NPAS3: variants seen among roughly 807,000 people sequenced by gnomAD.
NPAS3 encodes the protein neuronal PAS domain protein 3.
Under a neutral mutation model 73.1 loss-of-function variants are expected in NPAS3, and 14 were observed. The ratio of observed to expected loss-of-function variants is 0.19; its 90% CI spans 0.13 to 0.30. The LOEUF (loss-of-function observed/expected upper bound fraction) is 0.30, where lower values mean the gene tolerates loss of function less well. NPAS3 is among the 10% of genes least tolerant of loss of function. The pLI is 1.00. For synonymous variants in NPAS3, 620 were observed against 541.5 expected, an observed-to-expected ratio of 1.14 and a Z score of -2.01; for missense variants, 1,096 against 1,250.0, an observed-to-expected ratio of 0.88 and a Z score of 1.86.
intron 2 of NPAS3, among the ~76,000 whole-genome samples, chr14:33,151,894 T>A (rs1449429098): frequency 1.3e-5 from 2 of 152,180 alleles, no homozygotes; most frequent in African/African-American, 4.8e-5. Context: ...ACTCCTTTGG[T>A]ACCCTTCCAG....
chr14:33,097,197 G>C (rs1333039052), intron 2 of NPAS3, among the ~76,000 whole-genome samples: 1 of 151,824 alleles, frequency 6.6e-6, no homozygotes, highest in Non-Finnish European at 1.5e-5. Context: ...GTGCAACGTG[G>C]TAAGACATCA....
intron 3 of NPAS3, among the ~76,000 whole-genome samples, chr14:33,339,142 GT>G (rs1346943775): frequency 6.6e-6 from 1 of 152,112 alleles, no homozygotes; most frequent in Non-Finnish European, 1.5e-5. Context: ...ATGCCATAAA[GT>G]TTTCTGTTAG....
intron 4 of NPAS3, among the ~76,000 whole-genome samples, chr14:33,548,137 C>T (rs775314604): frequency 1.3e-5 from 2 of 152,166 alleles, no homozygotes; most frequent in Non-Finnish European, 2.9e-5. Context: ...CCTTTGACAT[C>T]GAACATTGAG....
At chr14:33,061,728 CACTA>C (rs755685961) in intron 2 of NPAS3, among the ~76,000 whole-genome samples, 134 of 152,300 alleles carry the variant, frequency 8.8e-4, no homozygotes, top group Middle Eastern at 3.4e-3. Context: ...AACTGTTCTA[CACTA>C]ACTGACTTAT....
intron 1 of NPAS3, among the ~76,000 whole-genome samples, chr14:32,990,357 G>A (rs1320315134): frequency 1.3e-5 from 2 of 152,270 alleles, no homozygotes; most frequent in East Asian, 1.9e-4. Flanking sequence ...ACAACAGGAA[G>A]CATTCTAATT....
intron 9 of NPAS3, among the ~76,000 whole-genome samples, chr14:33,785,231 C>T (rs1229513157): frequency 1.3e-5 from 2 of 151,328 alleles, no homozygotes; most frequent in Non-Finnish European, 3.0e-5. Context: ...GTCAGGAGTT[C>T]GAGACCAGCC....
At chr14:33,508,415 C>G (rs906787440) in intron 4 of NPAS3, among the ~76,000 whole-genome samples, 1 of 151,964 alleles carries the variant, frequency 6.6e-6, no homozygotes, top group African/African-American at 2.4e-5. Flanking sequence ...ATACTAAGTA[C>G]GAAGATGTAA....
chr14:33,356,965 AG>A (rs1200117191), intron 3 of NPAS3, among the ~76,000 whole-genome samples: 2 of 152,244 alleles, frequency 1.3e-5, no homozygotes, highest in African/African-American at 2.4e-5. Context: ...TAGGTCAGAC[AG>A]TCTTGTAAGC....
intron 2 of NPAS3, among the ~76,000 whole-genome samples, chr14:33,070,644 A>G (rs557332136): frequency 1.3e-5 from 2 of 152,342 alleles, no homozygotes; most frequent in African/African-American, 4.8e-5. Context: ...ACTCATGATC[A>G]TAGCACATGG....
chr14:33,125,678 A>T (rs577321029), intron 2 of NPAS3, among the ~76,000 whole-genome samples: 77 of 152,260 alleles, frequency 5.1e-4, no homozygotes, highest in African/African-American at 1.7e-3. Context: ...CCTGTTTCAT[A>T]TATGAAAGGC....
At chr14:33,171,617 G>A (rs2045392817) in intron 2 of NPAS3, among the ~76,000 whole-genome samples, 1 of 152,198 alleles carries the variant, frequency 6.6e-6, no homozygotes, top group South Asian at 2.1e-4. Context: ...TGGCTTACGG[G>A]AATGTTGTGG....
At chr14:33,171,390 T>G in intron 2 of NPAS3, among the ~76,000 whole-genome samples, 1 of 152,228 alleles carries the variant, frequency 6.6e-6, no homozygotes, top group Non-Finnish European at 1.5e-5. Flanking sequence ...CCACTTAAAG[T>G]TACCAGCTGC....
At chr14:33,125,397 C>A (rs2043390695) in intron 2 of NPAS3, among the ~76,000 whole-genome samples, 1 of 151,898 alleles carries the variant, frequency 6.6e-6, no homozygotes, top group Non-Finnish European at 1.5e-5. Flanking sequence ...GAGATATTTT[C>A]TCAGAATTAC....
chr14:33,106,624 G>T (rs1334238162), intron 2 of NPAS3, among the ~76,000 whole-genome samples: 1 of 152,146 alleles, frequency 6.6e-6, no homozygotes, highest in South Asian at 2.1e-4. Context: ...TAAATGAGGA[G>T]AAAAGCTGTT....
intron 7 of NPAS3, among the ~76,000 whole-genome samples, chr14:33,739,977 C>G (rs371548318): frequency 2.6e-5 from 4 of 152,082 alleles, no homozygotes; most frequent in African/African-American, 9.7e-5. Flanking sequence ...TTTCATTTCC[C>G]CTAATGCATA....
intron 5 of NPAS3, among the ~76,000 whole-genome samples, chr14:33,567,147 T>C (rs909026623): frequency 2.0e-5 from 3 of 152,174 alleles, no homozygotes; most frequent in African/African-American, 7.2e-5. Context: ...GATTAGCCAC[T>C]TCTTGAAAGC....
chr14:33,523,623 T>TA (rs1197043618), intron 4 of NPAS3, among the ~76,000 whole-genome samples: 11 of 150,422 alleles, frequency 7.3e-5, no homozygotes, highest in Non-Finnish European at 1.6e-4. Context: ...AGATAAAAAT[T>TA]AAAAAAAATA....
chr14:33,565,740 A>T (rs2055894248), intron 5 of NPAS3, among the ~76,000 whole-genome samples: 1 of 152,214 alleles, frequency 6.6e-6, no homozygotes, highest in Non-Finnish European at 1.5e-5. Context: ...CAGCAGAGGG[A>T]TTACAATGAT....
rs199867533 is a variant in NPAS3 at position 33,072,963 on chromosome 14, T to TA, written c.140+16977dup. On this transcript the variant is annotated intron_variant, in intron 2 of 11. Coordinates refer to ENST00000356141, the Ensembl canonical transcript of NPAS3. The stretch of plus-strand genomic sequence containing the variant: ...AAGTTGCCTAATAATTGCCACAACT[T>TA]AAAAAAAATTTTTTTACTTTATTAT... Among the ~76,000 whole-genome samples the TA allele has an allele frequency of 4.8e-3, 728 of 152,168 alleles. 7 individuals are homozygous for TA. Among genetic ancestry groups the TA allele is most frequent in the African/African-American group, 0.017 (693 of 41,508 alleles).
Sources: allele counts gnomAD v4.1 joint callset (sites outside exome capture counted in the v4.1 genomes callset), GRCh38; gene constraint gnomAD v4.1.1; transcripts MANE v1.5; gene names NCBI Gene and HGNC (gene_info 2026-07-23, HGNC 2026-07-21).